The following OR3A2 variants were observed in gnomAD, a reference collection of about 807,000 sequenced individuals.
The protein encoded by OR3A2 is olfactory receptor family 3 subfamily A member 2.
For missense variants in OR3A2, 318 were observed against 392.8 expected, an observed-to-expected ratio of 0.81 and a Z score of 1.61; for synonymous variants, 126 against 159.3, an observed-to-expected ratio of 0.79 and a Z score of 1.57.
intron 3 of OR3A2, among the ~76,000 whole-genome samples, chr17:3,332,092 G>A (rs2049240492): frequency 6.6e-6 from 1 of 152,042 alleles, no homozygotes; most frequent in African/African-American, 2.4e-5. Flanking sequence ...CCAGCTGTGT[G>A]CTGGGAGAAC....
chr17:3,323,917 G>T (rs4790463), intron 3 of OR3A2, among the ~76,000 whole-genome samples: 152,130 of 152,130 alleles, frequency 1, 76,065 homozygotes, highest in Non-Finnish European at 1. Flanking sequence ...CTTGCTAGAT[G>T]GGGGAAGTTC....
chr17:3,358,882 T>TG (rs552939038), intron 2 of OR3A2, among the ~76,000 whole-genome samples: 7 of 151,666 alleles, frequency 4.6e-5, no homozygotes, highest in Non-Finnish European at 1.0e-4. Flanking sequence ...AGTGGAGTGT[T>TG]GAAGAGTCCC....
At chr17:3,298,081 A>T (rs1028242292) in intron 3 of OR3A2, among the ~76,000 whole-genome samples, 4 of 152,176 alleles carry the variant, frequency 2.6e-5, no homozygotes, top group Non-Finnish European at 2.9e-5. Flanking sequence ...ATTCACGGAG[A>T]TGTCTTTTTG....
At chr17:3,362,147 G>A (rs553903537) in intron 2 of OR3A2, among the ~76,000 whole-genome samples, 15 of 151,712 alleles carry the variant, frequency 9.9e-5, no homozygotes, top group Non-Finnish European at 2.1e-4. Context: ...AGTCTTGGGA[G>A]GGTGTATGTG....
chr17:3,379,584 T>G (rs1409587866), intron 2 of OR3A2, among the ~76,000 whole-genome samples: 5 of 152,114 alleles, frequency 3.3e-5, no homozygotes, highest in Non-Finnish European at 7.4e-5. Flanking sequence ...CCTCAGAGGT[T>G]GAGGCAGGCC....
chr17:3,370,008 T>G (rs1475957866), intron 2 of OR3A2, among the ~76,000 whole-genome samples: 1 of 152,116 alleles, frequency 6.6e-6, no homozygotes, highest in Admixed American at 6.6e-5. Context: ...TTCGTCATGT[T>G]GCCCAGGCTG....
At chr17:3,345,469 AACGAAACAACAC>A (rs1244178030) in intron 2 of OR3A2, among the ~76,000 whole-genome samples, 1 of 152,120 alleles carries the variant, frequency 6.6e-6, no homozygotes, top group Non-Finnish European at 1.5e-5. Context: ...CAAAATAAGA[AACGAAACAACAC>A]AGAGGGCAGA....
At chr17:3,342,286 C>T (rs1393684955) in intron 2 of OR3A2, among the ~76,000 whole-genome samples, 1 of 152,222 alleles carries the variant, frequency 6.6e-6, no homozygotes. Context: ...CAAAGTCATT[C>T]TCTGTCCAGC....
intron 2 of OR3A2, among the ~76,000 whole-genome samples, chr17:3,374,655 G>A (rs556432211): frequency 6.6e-6 from 1 of 152,056 alleles, no homozygotes; most frequent in African/African-American, 2.4e-5. Flanking sequence ...TTTCTTTACG[G>A]TTTCTATTTC....
chr17:3,288,695 T>C (rs1444947174), upstream of OR3A2, among the ~76,000 whole-genome samples: 1 of 152,218 alleles, frequency 6.6e-6, no homozygotes, highest in African/African-American at 2.4e-5. Flanking sequence ...AGCATTTGCA[T>C]ACACTGCCAA....
chr17:3,303,247 TATA>T (rs1311495629), intron 3 of OR3A2, among the ~76,000 whole-genome samples: 3 of 152,210 alleles, frequency 2.0e-5, no homozygotes, highest in African/African-American at 7.2e-5. Context: ...GGAATATCTT[TATA>T]ATATTTTAGG....
At chr17:3,282,675 T>C (rs1664207980) in intron 1 of OR3A2, among the ~76,000 whole-genome samples, 1 of 152,192 alleles carries the variant, frequency 6.6e-6, no homozygotes, top group Admixed American at 6.6e-5. Context: ...GCAGAAATCA[T>C]CCTCTGGCCT....
At chr17:3,359,405 T>C (rs1284759931) in intron 2 of OR3A2, among the ~76,000 whole-genome samples, 3 of 151,724 alleles carry the variant, frequency 2.0e-5, no homozygotes, top group Non-Finnish European at 4.4e-5. Context: ...TTGTATTAGC[T>C]GGCAGTAGTC....
intron 3 of OR3A2, chr17:3,310,434 A>T (rs9905684): frequency 1.9e-6 from 1 of 535,370 alleles, no homozygotes; most frequent in South Asian, 1.4e-5. Context: ...CGTCACTACC[A>T]TTGGAGGCAC....
At chr17:3,353,053 T>C (rs179475) in intron 2 of OR3A2, among the ~76,000 whole-genome samples, 60,914 of 151,066 alleles carry the variant, frequency 0.4, 12,607 homozygotes, top group Admixed American at 0.52. Flanking sequence ...TGTTAGCATA[T>C]AGATATGCTA....
intron 3 of OR3A2, chr17:3,291,776 CT>C (rs2048870365): frequency 6.2e-7 from 1 of 1,613,600 alleles, no homozygotes; most frequent in African/African-American, 1.3e-5. Flanking sequence ...TGTCTGAAAG[CT>C]TGGTTGAACC....
chr17:3,298,822 T>A (rs544780508), intron 3 of OR3A2, among the ~76,000 whole-genome samples: 1 of 152,276 alleles, frequency 6.6e-6, no homozygotes, highest in East Asian at 1.9e-4. Flanking sequence ...AAGGGCCATA[T>A]ACGAGAAAAC....
rs73309809 is a variant in OR3A2 at position 3,366,215 on chromosome 17, A to C, written c.-179+17589T>G. On this transcript the variant is annotated intron_variant, in intron 2 of 4. Transcript: ENST00000573491. ...CCCAAAAGGAAATAATAGCAGATTT[A>C]TACGTTGAAGAATGGACATAGAGTG... Among the ~76,000 whole-genome samples the C allele has an allele frequency of 2.9e-3, 435 of 152,328 alleles. 2 individuals carry two copies. Among genetic ancestry groups the C allele is most frequent in the African/African-American group, 8.7e-3 (360 of 41,582 alleles).
intron 2 of OR3A2, among the ~76,000 whole-genome samples, chr17:3,337,802 G>T (rs985734492): frequency 6.6e-6 from 1 of 152,122 alleles, no homozygotes; most frequent in East Asian, 1.9e-4. Flanking sequence ...TAATGGGATG[G>T]CTGGGTCAAA....
Sources: allele counts gnomAD v4.1 joint callset (sites outside exome capture counted in the v4.1 genomes callset), GRCh38; gene constraint gnomAD v4.1.1; transcripts MANE v1.5; gene names NCBI Gene and HGNC (gene_info 2026-07-23, HGNC 2026-07-21).